Variants in SEM1 observed in about 807,000 individuals in gnomAD.
The protein encoded by SEM1 is SEM1 26S proteasome subunit.
A neutral mutation model predicts 12.7 loss-of-function variants in SEM1; 3 were observed. The ratio of observed to expected loss-of-function variants is 0.24; its 90% CI spans 0.11 to 0.61. The LOEUF is 0.61. SEM1 is among the 20% of genes least tolerant of loss of function. The probability of loss-of-function intolerance (pLI) is 0.88; values close to 1 mark genes in which losing one functional copy is unlikely to be tolerated. For missense variants in SEM1, 59 were observed against 81.3 expected (o/e 0.73, Z 1.06); for synonymous variants, 30 against 27.8 (o/e 1.08, Z -0.25).
chr7:96,481,679 T>G (rs1185241110), exon 4 of SEM1: 1 of 152,150 alleles, frequency 6.6e-6, no homozygotes, highest in Non-Finnish European at 1.5e-5. Context: ...CTATTAACTT[T>G]AAAAGGTAAA....
chr7:96,502,541 T>C (rs1803601595), intron 3 of SEM1, among the ~76,000 whole-genome samples: 1 of 152,176 alleles, frequency 6.6e-6, no homozygotes, highest in Non-Finnish European at 1.5e-5. Context: ...TAATGACACC[T>C]ATCTCACTAA....
At chr7:96,694,594 G>A (rs1034772956) in intron 2 of SEM1, among the ~76,000 whole-genome samples, 10 of 151,896 alleles carry the variant, frequency 6.6e-5, no homozygotes, top group African/African-American at 2.4e-4. Flanking sequence ...AAAAAGACCA[G>A]AAAGAATAAA....
chr7:96,573,334 C>T (rs1332814161), intron 2 of SEM1, among the ~76,000 whole-genome samples: 1 of 152,070 alleles, frequency 6.6e-6, no homozygotes, highest in South Asian at 2.1e-4. Context: ...CATTATGATG[C>T]TAGCTGGTTA....
Position 96,640,403 on chromosome 7 carries a change from T to C in SEM1, c.171-17760A>G, listed in dbSNP as rs1039159137. On this transcript the variant is annotated intron_variant, in intron 2 of 2. Transcript: ENST00000417009. This position sits in a 1 kb window ranked among gnomAD's most constrained non-coding sequence, Gnocchi z 4.0. Reference sequence around the variant, plus strand: ...ACTATTTTCCAGTGCTAAAAAGAAATGAGCTACCAAGCCATGAAAAGACAA... The same window carrying C: ...ACTATTTTCCAGTGCTAAAAAGAAACGAGCTACCAAGCCATGAAAAGACAA... Among the ~76,000 whole-genome samples, 3 of 151,920 alleles carry C rather than the reference T, an allele frequency of 2.0e-5. No individual in the cohort carries two copies.
intron 2 of SEM1, among the ~76,000 whole-genome samples, chr7:96,559,712 T>G (rs1273904690): frequency 2.0e-5 from 3 of 152,252 alleles, no homozygotes; most frequent in Non-Finnish European, 4.4e-5. Context: ...CACCCATATC[T>G]TGTTATCTTC....
chr7:96,599,140 C>T (rs996600911), intron 2 of SEM1, among the ~76,000 whole-genome samples: 2 of 152,012 alleles, frequency 1.3e-5, no homozygotes, highest in African/African-American at 4.8e-5. Flanking sequence ...TTTCTCTTTG[C>T]GGCCTGTCAC....
At chr7:96,690,704 T>C (rs1445186210) in intron 2 of SEM1, among the ~76,000 whole-genome samples, 3 of 152,210 alleles carry the variant, frequency 2.0e-5, no homozygotes, top group Non-Finnish European at 2.9e-5. Context: ...GTCCTCTTAC[T>C]ATCCAAGAAA....
chr7:96,639,288 GAGA>G (rs1808520340), intron 2 of SEM1, among the ~76,000 whole-genome samples: 1 of 151,900 alleles, frequency 6.6e-6, no homozygotes, highest in Non-Finnish European at 1.5e-5. Context: ...AAAAGAACTA[GAGA>G]AGAACAAAGT....
intron 2 of SEM1, among the ~76,000 whole-genome samples, chr7:96,593,258 A>G (rs973244144): frequency 6.6e-6 from 1 of 152,194 alleles, no homozygotes; most frequent in African/African-American, 2.4e-5. Context: ...TTGCGTTCAC[A>G]ACAACACATA....
At chr7:96,665,297 G>C (rs917819355) in intron 2 of SEM1, among the ~76,000 whole-genome samples, 8 of 152,128 alleles carry the variant, frequency 5.3e-5, no homozygotes, top group Admixed American at 5.2e-4. Flanking sequence ...GCTCACCAAG[G>C]GGGGAAATGC....
At chr7:96,602,247 G>T (rs572757047) in intron 2 of SEM1, among the ~76,000 whole-genome samples, 1 of 152,338 alleles carries the variant, frequency 6.6e-6, no homozygotes, top group East Asian at 1.9e-4. Context: ...GGGGATAACA[G>T]AGGACCAGAC....
intron 2 of SEM1, among the ~76,000 whole-genome samples, chr7:96,550,448 C>A (rs1338406559): frequency 6.6e-6 from 1 of 152,030 alleles, no homozygotes; most frequent in Non-Finnish European, 1.5e-5. Flanking sequence ...TTTATGATTC[C>A]ATTCATAAAG....
Position 96,562,008 on chromosome 7 carries a change from G to A in SEM1, c.171-55310C>T, listed in dbSNP as rs73708351. ...TGTAGCACAGAATAAGGAAGGCCTG[G>A]TTATTCACTGTTTAGTGAACACACA... is the stretch of plus-strand genomic sequence containing the variant. On this transcript the variant is annotated intron_variant and NMD_transcript_variant, in intron 2 of 3. Coordinates refer to the SEM1 transcript ENST00000466986. Among the ~76,000 whole-genome samples the A allele has an allele frequency of 9.2e-3, 1,396 of 152,232 alleles. 27 individuals carry two copies. Among genetic ancestry groups the A allele is most frequent in the African/African-American group, 0.032 (1,327 of 41,530 alleles).
At chr7:96,528,873 A>T (rs746280561) in intron 2 of SEM1, among the ~76,000 whole-genome samples, 1 of 152,148 alleles carries the variant, frequency 6.6e-6, no homozygotes, top group African/African-American at 2.4e-5. Flanking sequence ...GGCTTTCTGC[A>T]CCAAACATTG....
At chr7:96,693,987 A>G (rs1193236378) in intron 2 of SEM1, among the ~76,000 whole-genome samples, 1 of 151,998 alleles carries the variant, frequency 6.6e-6, no homozygotes, top group Non-Finnish European at 1.5e-5. Flanking sequence ...AATATGGAAC[A>G]TGTATATGAA....
intron 2 of SEM1, among the ~76,000 whole-genome samples, chr7:96,654,277 AG>A (rs1331724898): frequency 2.6e-5 from 4 of 151,754 alleles, no homozygotes; most frequent in African/African-American, 9.7e-5. Flanking sequence ...AGATTTGAGT[AG>A]AAAGAGCTGA....
At chr7:96,605,722 T>C (rs962603146) in intron 2 of SEM1, among the ~76,000 whole-genome samples, 1 of 152,200 alleles carries the variant, frequency 6.6e-6, no homozygotes, top group African/African-American at 2.4e-5. Flanking sequence ...GTTTCTTTGA[T>C]TGCCGTACAG....
At chr7:96,637,675 T>G (rs1473745948) in intron 2 of SEM1, among the ~76,000 whole-genome samples, 2 of 152,008 alleles carry the variant, frequency 1.3e-5, no homozygotes, top group Non-Finnish European at 2.9e-5. Context: ...CTGCATAAGA[T>G]GAAAGAGACA....
In SEM1 at chr7:96,673,601, C is replaced by T; in HGVS notation, c.*159G>A. 3.2e-6 allele frequency: 2 copies of T among 623,310 alleles called. 1 individual carries two copies. Among genetic ancestry groups the T allele is most frequent in the South Asian group, 3.7e-5 (2 of 54,264 alleles). The allele number at this position is 623,310 out of a possible 1,614,324, so 38.6% of individuals were successfully genotyped here. A position where few individuals can be genotyped will look rare whatever the true frequency, so the allele number is the denominator to read the frequency against. On this transcript the variant is annotated 3_prime_UTR_variant, in exon 3 of 3. Transcript: ENST00000413065. ...CCAGGCTGGACCTTCACCCAGGCTGCTCTCTTTGCCTGAAATGCTGTAGCA... is the reference window on the plus strand; with the variant it reads ...CCAGGCTGGACCTTCACCCAGGCTGTTCTCTTTGCCTGAAATGCTGTAGCA...
Sources: gnomAD v4.1 joint callset for allele counts (sites outside exome capture counted in the v4.1 genomes callset) on GRCh38, gnomAD v4.1.1 for gene constraint, Gnocchi (gnomAD v3.1) non-coding constraint, MANE v1.5 for transcripts, NCBI Gene and HGNC (gene_info 2026-07-23, HGNC 2026-07-21) for gene names.